Variants in APBB1IP observed in about 807,000 individuals in gnomAD.
APBB1IP encodes the protein amyloid beta A4 precursor protein-binding family B member 1-interacting protein.
In APBB1IP, 27 loss-of-function variants were observed where a neutral mutation model predicts 64.9. The observed-to-expected ratio is 0.42, with a 90% CI of 0.31 to 0.57. The LOEUF is 0.57. Ranked by LOEUF, APBB1IP falls within the 20% of genes least tolerant of loss-of-function variation. The pLI is 0.20. For synonymous variants in APBB1IP, 392 were observed against 331.0 expected (o/e 1.18, Z -2.00); for missense variants, 812 against 845.5 (o/e 0.96, Z 0.49).
intron 8 of APBB1IP, among the ~76,000 whole-genome samples, chr10:26,517,928 G>C (rs946209679): frequency 6.6e-6 from 1 of 152,066 alleles, no homozygotes; most frequent in Admixed American, 6.6e-5. Flanking sequence ...CTGGACCACA[G>C]GTTGTGCATA....
chr10:26,525,583 G>A (rs1472718566), intron 8 of APBB1IP, among the ~76,000 whole-genome samples: 1 of 152,158 alleles, frequency 6.6e-6, no homozygotes, highest in African/African-American at 2.4e-5. Flanking sequence ...CATAAAGGCA[G>A]CTTTAGTTTA....
intron 11 of APBB1IP, among the ~76,000 whole-genome samples, chr10:26,547,870 T>C (rs565321727): frequency 1.3e-5 from 2 of 152,320 alleles, no homozygotes; most frequent in Non-Finnish European, 2.9e-5. Flanking sequence ...TTGAAGACAC[T>C]ATCTTTCCCT....
chr10:26,488,512 C>A (rs943526574), intron 2 of APBB1IP, among the ~76,000 whole-genome samples: 2 of 152,094 alleles, frequency 1.3e-5, no homozygotes, highest in Non-Finnish European at 2.9e-5. Context: ...GGATAACAGG[C>A]GTGAGTCACC....
intron 6 of APBB1IP, among the ~76,000 whole-genome samples, chr10:26,510,496 G>A (rs918101309): frequency 1.3e-5 from 2 of 152,172 alleles, no homozygotes; most frequent in East Asian, 1.9e-4. Context: ...ACTTTAGGCC[G>A]GTGAGGCAGG....
chr10:26,492,087 G>C (rs1427773076), intron 2 of APBB1IP, among the ~76,000 whole-genome samples: 2 of 152,088 alleles, frequency 1.3e-5, no homozygotes, highest in Non-Finnish European at 2.9e-5. Flanking sequence ...AGTTTAGCCT[G>C]GAAAAATTCA....
At chr10:26,445,483 T>C (rs1214982562) in intron 2 of APBB1IP, among the ~76,000 whole-genome samples, 1 of 127,402 alleles carries the variant, frequency 7.8e-6, no homozygotes, top group Admixed American at 8.4e-5. Context: ...ACTCCTGGGC[T>C]CAAGTATCCT....
At chr10:26,536,418 T>C (rs1447050367) in intron 10 of APBB1IP, among the ~76,000 whole-genome samples, 1 of 152,160 alleles carries the variant, frequency 6.6e-6, no homozygotes, top group Non-Finnish European at 1.5e-5. Flanking sequence ...GTATTTTATC[T>C]ATTTTAAAGT....
chr10:26,541,268 G>C (rs1162243065), intron 10 of APBB1IP, among the ~76,000 whole-genome samples: 1 of 152,156 alleles, frequency 6.6e-6, no homozygotes, highest in African/African-American at 2.4e-5. Flanking sequence ...ATCAGATCAA[G>C]GTAATTAGCA....
intron 7 of APBB1IP, among the ~76,000 whole-genome samples, chr10:26,513,336 C>T (rs1194273112): frequency 6.6e-6 from 1 of 152,110 alleles, no homozygotes; most frequent in African/African-American, 2.4e-5. Flanking sequence ...GTTTTTTCAT[C>T]TTGTTTATAA....
chr10:26,467,117 G>T (rs1835657366), intron 2 of APBB1IP, among the ~76,000 whole-genome samples: 1 of 151,898 alleles, frequency 6.6e-6, no homozygotes, highest in African/African-American at 2.4e-5. Flanking sequence ...TGTTGGCCAG[G>T]CTGGTCTCGA....
chr10:26,458,569 A>C (rs901891817), intron 2 of APBB1IP, among the ~76,000 whole-genome samples: 2 of 152,210 alleles, frequency 1.3e-5, no homozygotes, highest in East Asian at 3.8e-4. Flanking sequence ...TAACAAACCT[A>C]AGTTGTATCT....
chr10:26,493,829 T>A (rs1291614780), intron 3 of APBB1IP, among the ~76,000 whole-genome samples: 1 of 152,120 alleles, frequency 6.6e-6, no homozygotes, highest in Non-Finnish European at 1.5e-5. Flanking sequence ...AAGTATTATC[T>A]TTGTTTGATT....
At chr10:26,481,621 A>G (rs903185730) in intron 2 of APBB1IP, among the ~76,000 whole-genome samples, 31 of 152,016 alleles carry the variant, frequency 2.0e-4, no homozygotes, top group Admixed American at 2.0e-3. Flanking sequence ...AGTAGCTGAG[A>G]CCACAGGTGC....
chr10:26,548,828 T>G (rs1225650705), intron 11 of APBB1IP, among the ~76,000 whole-genome samples: 1 of 152,236 alleles, frequency 6.6e-6, no homozygotes, highest in Non-Finnish European at 1.5e-5. Flanking sequence ...TTGGATGCCT[T>G]TTCTTTCTTT....
chr10:26,506,972 G>A (rs1447440909), intron 6 of APBB1IP, among the ~76,000 whole-genome samples: 3 of 152,214 alleles, frequency 2.0e-5, no homozygotes. Context: ...GCATGTGGGT[G>A]TGGTGCTGGG....
At chr10:26,451,988 T>C (rs1156793783) in intron 2 of APBB1IP, among the ~76,000 whole-genome samples, 2 of 152,212 alleles carry the variant, frequency 1.3e-5, no homozygotes, top group Non-Finnish European at 2.9e-5. Flanking sequence ...GGTTAGAACA[T>C]GTAAATGTAC....
chr10:26,510,734 TCACACACACACACACACACACA>T (rs1554776713), intron 6 of APBB1IP, among the ~76,000 whole-genome samples: 1 of 135,890 alleles, frequency 7.4e-6, no homozygotes, highest in South Asian at 2.5e-4. Flanking sequence ...AGACCCTGTC[TCACACACACACACACACACACA>T]CACACACACA....
At chr10:26,486,484 A>G (rs1285746777) in intron 2 of APBB1IP, among the ~76,000 whole-genome samples, 2 of 152,184 alleles carry the variant, frequency 1.3e-5, no homozygotes, top group African/African-American at 4.8e-5. Flanking sequence ...TACCAAGTTA[A>G]GGCGCATGGG....
rs536414079 is a variant in APBB1IP, at chr10:26,467,712, G to A, written c.1-24615G>A. 3.3e-5 allele frequency among the ~76,000 whole-genome samples: 5 copies of A among 152,256 alleles called. No individual in the cohort carries two copies. The East Asian group carries it at 9.6e-4, about 29-fold the overall frequency. ...CTCTGTCTCTAGCAATAATACTTTT[G>A]AGGTGGGGCCAAGAATTTTTATTTC... On this transcript the variant is annotated intron_variant, in intron 2 of 14. Transcript: ENST00000376236.
Sources: gnomAD v4.1 joint callset for allele counts (sites outside exome capture counted in the v4.1 genomes callset) on GRCh38, gnomAD v4.1.1 for gene constraint, MANE v1.5 for transcripts, NCBI Gene and HGNC (gene_info 2026-07-23, HGNC 2026-07-21) for gene names.